SHISA9: variants seen among roughly 807,000 people sequenced by gnomAD.
SHISA9 encodes the protein protein shisa-9.
SHISA9 carries 13 observed loss-of-function variants against 38.0 expected under a neutral mutation model. The ratio of observed to expected loss-of-function variants is 0.34; its 90% CI spans 0.22 to 0.54. The LOEUF is 0.54. Ranked by LOEUF, SHISA9 falls within the 20% of genes least tolerant of loss-of-function variation. The pLI is 0.91. For missense variants in SHISA9, 538 were observed against 575.8 expected, an observed-to-expected ratio of 0.93 and a Z score of 0.67; for synonymous variants, 275 against 242.0, an observed-to-expected ratio of 1.14 and a Z score of -1.27.
intron 2 of SHISA9, among the ~76,000 whole-genome samples, chr16:13,001,282 G>A (rs2072522109): frequency 6.6e-6 from 1 of 152,170 alleles, no homozygotes; most frequent in South Asian, 2.1e-4. Context: ...ACAGACTCCA[G>A]ATCGCCACAA....
intron 1 of SHISA9, chr16:12,902,934 G>C: frequency 3.0e-6 from 1 of 329,052 alleles, no homozygotes. Flanking sequence ...GAGACACGTA[G>C]CCTGGGAGCC....
At chr16:13,461,503 C>T in the SHISA9 span, among the ~76,000 whole-genome samples, 3 of 151,380 alleles carry the variant, frequency 2.0e-5, no homozygotes, top group African/African-American at 7.3e-5. Context: ...CGCCTGACCC[C>T]TGGAGGCAGA....
intron 2 of SHISA9, among the ~76,000 whole-genome samples, chr16:13,187,328 C>CTTTTTTTTT (rs372286181): frequency 2.9e-4 from 26 of 90,674 alleles, no homozygotes; most frequent in Non-Finnish European, 5.1e-4. Flanking sequence ...CTTTTCTTTT[C>CTTTTTTTTT]TTTTTTTTTT....
the SHISA9 span, among the ~76,000 whole-genome samples, chr16:13,542,991 G>T: frequency 5.3e-5 from 8 of 152,282 alleles, no homozygotes; most frequent in East Asian, 1.4e-3. Flanking sequence ...TAGTCTGTCT[G>T]ATCCCAGAGC....
chr16:13,550,034 A>AAT, the SHISA9 span, among the ~76,000 whole-genome samples: 115 of 151,418 alleles, frequency 7.6e-4, no homozygotes, highest in African/African-American at 2.5e-3. Context: ...AAAAAAAAAA[A>AAT]AATAAAGTAT....
At chr16:13,205,568 C>T (rs1453391247) in intron 3 of SHISA9, among the ~76,000 whole-genome samples, 1 of 152,178 alleles carries the variant, frequency 6.6e-6, no homozygotes, top group African/African-American at 2.4e-5. Context: ...AGGTCTCAGT[C>T]TTCTAATCTG....
chr16:12,999,917 G>T (rs35864100), intron 2 of SHISA9, among the ~76,000 whole-genome samples: 28,943 of 152,140 alleles, frequency 0.19, 3,557 homozygotes, highest in Middle Eastern at 0.33. Flanking sequence ...GAATGCAATG[G>T]AAGCTGGGAA....
the SHISA9 span, among the ~76,000 whole-genome samples, chr16:13,466,398 G>A: frequency 2.0e-5 from 3 of 152,210 alleles, no homozygotes; most frequent in African/African-American, 7.2e-5. Context: ...AAATTACCAT[G>A]CCCTGTGATT....
In SHISA9 at chr16:13,202,323, C is replaced by T. The variant is rs1596727388; in HGVS notation, c.692-1071C>T. On this transcript the variant is annotated intron_variant, in intron 2 of 4. Transcript: ENST00000558583. ...TGCTTCCTCTGCCTGAAATACCCTCCCTCATATCTTCCACCTTCCACCACA... is the reference window on the plus strand; with the variant it reads ...TGCTTCCTCTGCCTGAAATACCCTCTCTCATATCTTCCACCTTCCACCACA... Among the ~76,000 whole-genome samples the T allele has an allele frequency of 1.5e-5, 2 of 131,328 alleles. 1 individual carries two copies. Among genetic ancestry groups the T allele is most frequent in the Middle Eastern group, 8.5e-3 (2 of 236 alleles). 86.2% of individuals were successfully genotyped at this position (131,328 alleles called of 152,430 possible). A position where few individuals can be genotyped will look rare whatever the true frequency, so the allele number is the denominator to read the frequency against.
At chr16:12,919,958 C>T (rs1312786209) in intron 2 of SHISA9, among the ~76,000 whole-genome samples, 1 of 152,216 alleles carries the variant, frequency 6.6e-6, no homozygotes, top group Non-Finnish European at 1.5e-5. Context: ...TCCTTAAGTG[C>T]TATGAACATA....
the SHISA9 span, among the ~76,000 whole-genome samples, chr16:13,552,478 T>G: frequency 1.3e-5 from 2 of 151,894 alleles, no homozygotes. Flanking sequence ...TTCATGCACC[T>G]TCTATGGTAT....
At chr16:13,083,797 G>A (rs578189898) in intron 2 of SHISA9, among the ~76,000 whole-genome samples, 4 of 152,164 alleles carry the variant, frequency 2.6e-5, no homozygotes, top group African/African-American at 7.2e-5. Context: ...TTCCATAGAC[G>A]AAGGTGGCTG....
chr16:13,244,091 C>G (rs1281224998), downstream of SHISA9, among the ~76,000 whole-genome samples: 4 of 152,202 alleles, frequency 2.6e-5, no homozygotes, highest in South Asian at 8.3e-4. Flanking sequence ...CAGCCATGGG[C>G]TACTATGAAT....
intron 2 of SHISA9, among the ~76,000 whole-genome samples, chr16:12,989,073 A>C (rs1596567549): frequency 6.6e-6 from 1 of 152,318 alleles, no homozygotes; most frequent in Middle Eastern, 3.4e-3. Context: ...GCTGAAACTT[A>C]AAGTGAGGGT....
intron 3 of SHISA9, among the ~76,000 whole-genome samples, chr16:13,204,134 T>C (rs373592329): frequency 6.7e-6 from 1 of 149,232 alleles, no homozygotes; most frequent in Non-Finnish European, 1.5e-5. Flanking sequence ...TAACTACCTA[T>C]TATCTATCTA....
the SHISA9 span, among the ~76,000 whole-genome samples, chr16:13,401,494 C>A: frequency 2.0e-5 from 3 of 152,192 alleles, no homozygotes; most frequent in African/African-American, 7.2e-5. Context: ...GCCTAACCCC[C>A]CAGTGGGACT....
the SHISA9 span, among the ~76,000 whole-genome samples, chr16:13,305,818 G>T: frequency 7.9e-5 from 12 of 152,334 alleles, no homozygotes; most frequent in South Asian, 2.5e-3. Context: ...GCCCAAAGAG[G>T]TGATTACACA....
the SHISA9 span, among the ~76,000 whole-genome samples, chr16:13,505,696 A>G: frequency 3.3e-5 from 5 of 152,324 alleles, no homozygotes; most frequent in Admixed American, 2.6e-4. Context: ...GCAGAGATTC[A>G]GAAATGGTTT....
the SHISA9 span, among the ~76,000 whole-genome samples, chr16:13,299,300 C>T: frequency 6.6e-6 from 1 of 152,190 alleles, no homozygotes; most frequent in Non-Finnish European, 1.5e-5. Context: ...ATTAGACCCT[C>T]CTTCACTCTT....
Sources: gnomAD v4.1 joint callset for allele counts (sites outside exome capture counted in the v4.1 genomes callset) on GRCh38, gnomAD v4.1.1 for gene constraint, MANE v1.5 for transcripts, NCBI Gene and HGNC (gene_info 2026-07-23, HGNC 2026-07-21) for gene names.